OR6C74: variants seen among roughly 807,000 people sequenced by gnomAD.
The protein encoded by OR6C74 is olfactory receptor 6C74.
For synonymous variants in OR6C74, 142 were observed against 134.2 expected (o/e 1.06, Z -0.40); for missense variants, 361 against 362.9 (o/e 0.99, Z 0.04).
rs1345982389 is a variant in OR6C74 at position 55,254,934 on chromosome 12, T to C, written c.*6708T>C. 6.6e-6 allele frequency among the ~76,000 whole-genome samples: 1 copy of C among 152,140 alleles called. No homozygotes were observed. Among genetic ancestry groups the C allele is most frequent in the African/African-American group, 2.4e-5 (1 of 41,450 alleles). On this transcript the variant is annotated 3_prime_UTR_variant, in exon 2 of 2. Transcript: ENST00000343399. Reference sequence around the variant, plus strand: ...TCATGCAACCACTTGTAGTACCAAATATATCAGTTATCACTGTTAGGTTGC... The same window carrying C: ...TCATGCAACCACTTGTAGTACCAAACATATCAGTTATCACTGTTAGGTTGC...
chr12:55,250,181 A>T lies in OR6C74; in HGVS notation c.*1955A>T, dbSNP rs1954303538. On this transcript the variant is annotated 3_prime_UTR_variant, in exon 2 of 2. Transcript: ENST00000343399. Reference sequence around the variant, plus strand: ...TTCTGAACACTCTTCTCCACAATTTAAGTTGTTGCCAAATGCAAATATGTA... The same window carrying T: ...TTCTGAACACTCTTCTCCACAATTTTAGTTGTTGCCAAATGCAAATATGTA... Among the ~76,000 whole-genome samples the T allele has an allele frequency of 6.6e-6, 1 of 152,130 alleles. No individual in the cohort carries two copies. Among genetic ancestry groups the T allele is most frequent in the Admixed American group, 6.5e-5 (1 of 15,270 alleles).
Position 55,252,717 on chromosome 12 carries a change from G to A in OR6C74, c.*4491G>A, listed in dbSNP as rs115752114. ...CTGTTTTGGAACAGAGTAAGGGGGTGATATCTTCAAGAAAACATATTACTG... is the reference window on the plus strand; with the variant it reads ...CTGTTTTGGAACAGAGTAAGGGGGTAATATCTTCAAGAAAACATATTACTG... On this transcript the variant is annotated 3_prime_UTR_variant, in exon 2 of 2. Coordinates refer to ENST00000343399, the MANE Select transcript of OR6C74 (RefSeq NM_001005490.2). Among the ~76,000 whole-genome samples the A allele has an allele frequency of 9.9e-3, 1,506 of 151,970 alleles. 26 individuals are homozygous for A. Among genetic ancestry groups the A allele is most frequent in the East Asian group, 0.036 (187 of 5,148 alleles).
rs1592245477 is a variant in OR6C74, at chr12:55,251,346, G to C, written c.*3120G>C. Among the ~76,000 whole-genome samples, 1 of 152,026 alleles carries C rather than the reference G, an allele frequency of 6.6e-6. No individual in the cohort carries two copies. The highest frequency in any genetic ancestry group is 1.5e-5 in the Non-Finnish European group (1 of 67,942). On this transcript the variant is annotated 3_prime_UTR_variant, in exon 2 of 2. Coordinates refer to ENST00000343399, the MANE Select transcript of OR6C74 (RefSeq NM_001005490.2). ...TTTGTAGTGTTTGTAGTCAACTCTA[G>C]ATGGTGCTTATCATAGCACATGTAA...
Position 55,255,613 on chromosome 12 carries a change from T to C in OR6C74, c.*7387T>C, listed in dbSNP as rs577990042. ...ATACACCATGGAACACTATAAAATA[T>C]ACATCCATAAAAAACGATGAGTTCA... On this transcript the variant is annotated 3_prime_UTR_variant, in exon 2 of 2. Coordinates refer to ENST00000343399, the MANE Select transcript of OR6C74 (RefSeq NM_001005490.2). 5.9e-5 allele frequency among the ~76,000 whole-genome samples: 9 copies of C among 152,056 alleles called. No individual in the cohort carries two copies. The highest frequency in any genetic ancestry group is 1.9e-4 in the African/African-American group (8 of 41,404).
rs1428077168 is a variant in OR6C74 at position 55,251,536 on chromosome 12, G to A, written c.*3310G>A. 1.3e-5 allele frequency among the ~76,000 whole-genome samples: 2 copies of A among 151,856 alleles called. No individual in the cohort carries two copies. Among genetic ancestry groups the A allele is most frequent in the African/African-American group, 4.8e-5 (2 of 41,394 alleles). ...ATCTATAAAATAAGATTAAAATGTG[G>A]CATTTGATAGGGCTTAATATAAAAA... is the stretch of plus-strand genomic sequence containing the variant. On this transcript the variant is annotated 3_prime_UTR_variant, in exon 2 of 2. Coordinates refer to ENST00000343399, the MANE Select transcript of OR6C74 (RefSeq NM_001005490.2).
intron 1 of OR6C74, among the ~76,000 whole-genome samples, chr12:55,245,401 AT>A (rs1954263854): frequency 6.6e-6 from 1 of 152,056 alleles, no homozygotes; most frequent in Non-Finnish European, 1.5e-5. Flanking sequence ...TGAAAAAATA[AT>A]TTTTTTCCTG....
At position 55,256,248 on chromosome 12, in the gene OR6C74, G is replaced by A. The variant is rs1229615777; in HGVS notation, c.*8022G>A. ...GAATGGAATGGGACCCTTGTGTAGA[G>A]CCTATAAATGGACGCATTGGGGGGG... On this transcript the variant is annotated 3_prime_UTR_variant, in exon 2 of 2. Coordinates refer to ENST00000343399, the MANE Select transcript of OR6C74 (RefSeq NM_001005490.2). Among the ~76,000 whole-genome samples the A allele has an allele frequency of 2.6e-5, 4 of 151,604 alleles. No individual in the cohort carries two copies. The highest frequency in any genetic ancestry group is 9.7e-5 in the African/African-American group (4 of 41,236).
At position 55,251,486 on chromosome 12, in the gene OR6C74, G is replaced by A. The variant is rs984881932; in HGVS notation, c.*3260G>A. Among the ~76,000 whole-genome samples the A allele has an allele frequency of 2.0e-5, 3 of 151,968 alleles. No individual in the cohort carries two copies. Among genetic ancestry groups the A allele is most frequent in the Non-Finnish European group, 2.9e-5 (2 of 67,926 alleles). ...AAAATAAATAAGGCAGCAAATGACA[G>A]GAGATGAGTGAAGTTAATATGTTCA... On this transcript the variant is annotated 3_prime_UTR_variant, in exon 2 of 2. Coordinates refer to ENST00000343399, the MANE Select transcript of OR6C74 (RefSeq NM_001005490.2).
rs114490243 is a variant in OR6C74 at position 55,246,480 on chromosome 12, A to C, written c.-9-799A>C. Reference sequence around the variant, plus strand: ...AGCAATCTTCCTGCCTCATTCTTCCAAGTAGCTGGGATTACAGGCACAAGC... The same window carrying C: ...AGCAATCTTCCTGCCTCATTCTTCCCAGTAGCTGGGATTACAGGCACAAGC... On this transcript the variant is annotated intron_variant, in intron 1 of 1. Transcript: ENST00000343399. Among the ~76,000 whole-genome samples the C allele has an allele frequency of 7.1e-3, 1,087 of 152,314 alleles. 14 individuals carry two copies. Among genetic ancestry groups the C allele is most frequent in the East Asian group, 0.037 (190 of 5,178 alleles).
chr12:55,249,727 T>G lies in OR6C74; in HGVS notation c.*1501T>G, dbSNP rs901180982. Reference sequence around the variant, plus strand: ...AGGGAGTATTCTTTAACTTTCACTATTTGGCTTTCTTTGCATCAGGAATTT... The same window carrying G: ...AGGGAGTATTCTTTAACTTTCACTAGTTGGCTTTCTTTGCATCAGGAATTT... On this transcript the variant is annotated 3_prime_UTR_variant, in exon 2 of 2. Coordinates refer to ENST00000343399, the MANE Select transcript of OR6C74 (RefSeq NM_001005490.2). Among the ~76,000 whole-genome samples, 1 of 152,076 alleles carries G rather than the reference T, an allele frequency of 6.6e-6. No individual in the cohort carries two copies. Among genetic ancestry groups the G allele is most frequent in the Non-Finnish European group, 1.5e-5 (1 of 68,010 alleles).
In OR6C74 at chr12:55,251,117, C is replaced by T. The variant is rs1290905408; in HGVS notation, c.*2891C>T. On this transcript the variant is annotated 3_prime_UTR_variant, in exon 2 of 2. Transcript: ENST00000343399. ...GCCTGTCCAGTTTGGTTTCTTATCT[C>T]TTCCAACTAGTACTTCTATGATGTA... 2.6e-5 allele frequency among the ~76,000 whole-genome samples: 4 copies of T among 152,090 alleles called. No homozygotes were observed. The highest frequency in any genetic ancestry group is 9.7e-5 in the African/African-American group (4 of 41,436).
rs1954301122 is a variant in OR6C74, at chr12:55,249,822, T to C, written c.*1596T>C. ...CACAACGTGCAGGTTTGTTAACATATGTATACATGTGCCATGTTGGTGTGC... is the reference window on the plus strand; with the variant it reads ...CACAACGTGCAGGTTTGTTAACATACGTATACATGTGCCATGTTGGTGTGC... On this transcript the variant is annotated 3_prime_UTR_variant, in exon 2 of 2. Transcript: ENST00000343399. 6.6e-6 allele frequency among the ~76,000 whole-genome samples: 1 copy of C among 152,082 alleles called. No individual in the cohort carries two copies. Among genetic ancestry groups the C allele is most frequent in the Non-Finnish European group, 1.5e-5 (1 of 68,016 alleles).
In OR6C74 at chr12:55,244,618, A is replaced by G. The variant is rs905850580; in HGVS notation, c.-209A>G. On this transcript the variant is annotated 5_prime_UTR_variant, in exon 1 of 2. Transcript: ENST00000343399. The stretch of plus-strand genomic sequence containing the variant: ...ATAAGCTATCGTATTCCTCGTATAG[A>G]CTAGAAACACCTCAGCGTGAACAAC... Among the ~76,000 whole-genome samples the G allele has an allele frequency of 6.6e-6, 1 of 152,106 alleles. No homozygotes were observed. Among genetic ancestry groups the G allele is most frequent in the Non-Finnish European group, 1.5e-5 (1 of 67,966 alleles).
rs1242101491 is a variant in OR6C74, at chr12:55,248,899, T to C, written c.*673T>C. ...GATGTTATTAAATTTATTAGTTCCA[T>C]CTTCAAAACTCTGTAAGACAGGTAT... On this transcript the variant is annotated 3_prime_UTR_variant, in exon 2 of 2. Transcript: ENST00000343399. 6.6e-6 allele frequency among the ~76,000 whole-genome samples: 1 copy of C among 152,194 alleles called. No individual in the cohort carries two copies. Among genetic ancestry groups the C allele is most frequent in the Non-Finnish European group, 1.5e-5 (1 of 68,022 alleles).
Position 55,247,926 on chromosome 12 carries a change from T to G in OR6C74, c.639T>G (p.Ile213Met), listed in dbSNP as rs773205169. 6.2e-7 allele frequency: 1 copy of G among 1,613,990 alleles called. No homozygotes were observed. Among genetic ancestry groups the G allele is most frequent in the Non-Finnish European group, 8.5e-7 (1 of 1,179,896 alleles). ...TCCTGGTTACACTGGTATTAGTGAT[T>G]CTCTCCTACACAAATATTATCAGGA... The part of the protein sequence containing the change: ...LTLLVTLVLV[I>M]LSYTNIIRTI... The change falls in exon 2 of 2, where the codon ATT (isoleucine) becomes ATG (methionine). Residue 213 changes from isoleucine (I) to methionine (M), a missense_variant. Physicochemically the swap from Ile to Met is conservative, Grantham distance 10 (BLOSUM62 1). Coordinates refer to ENST00000343399, the MANE Select transcript of OR6C74 (RefSeq NM_001005490.2).
intron 1 of OR6C74, among the ~76,000 whole-genome samples, chr12:55,246,963 T>C (rs1954273577): frequency 6.6e-6 from 1 of 150,718 alleles, no homozygotes; most frequent in Non-Finnish European, 1.5e-5. Context: ...AAAATTCAAA[T>C]ACAGAATATA....
Position 55,253,114 on chromosome 12 carries a change from A to G in OR6C74, c.*4888A>G, listed in dbSNP as rs1398625061. On this transcript the variant is annotated 3_prime_UTR_variant, in exon 2 of 2. Coordinates refer to ENST00000343399, the MANE Select transcript of OR6C74 (RefSeq NM_001005490.2). ...CTAGAGTACAAAGGTATACCATTTTATTTGCAGGTTGTGCCAATAAATTCT... is the reference window on the plus strand; with the variant it reads ...CTAGAGTACAAAGGTATACCATTTTGTTTGCAGGTTGTGCCAATAAATTCT... 6.6e-6 allele frequency among the ~76,000 whole-genome samples: 1 copy of G among 151,998 alleles called. No homozygotes were observed. The highest frequency in any genetic ancestry group is 1.5e-5 in the Non-Finnish European group (1 of 67,942).
At position 55,250,063 on chromosome 12, in the gene OR6C74, T is replaced by C. The variant is rs1249281506; in HGVS notation, c.*1837T>C. ...GAATGATGGTTTATACACAAATAAT[T>C]ATACTTTATAGATAATAACGACACT... On this transcript the variant is annotated 3_prime_UTR_variant, in exon 2 of 2. Transcript: ENST00000343399. Among the ~76,000 whole-genome samples, 1 of 152,144 alleles carries C rather than the reference T, an allele frequency of 6.6e-6. No individual in the cohort carries two copies. Among genetic ancestry groups the C allele is most frequent in the Non-Finnish European group, 1.5e-5 (1 of 68,022 alleles).
chr12:55,250,849 A>G lies in OR6C74; in HGVS notation c.*2623A>G, dbSNP rs1032503291. The stretch of plus-strand genomic sequence containing the variant: ...CACCACTAAAAGTAATGGTGAAATC[A>G]CAATTCCTTTTGTACCAACCTAATA... On this transcript the variant is annotated 3_prime_UTR_variant, in exon 2 of 2. Coordinates refer to ENST00000343399, the MANE Select transcript of OR6C74 (RefSeq NM_001005490.2). 6.6e-6 allele frequency among the ~76,000 whole-genome samples: 1 copy of G among 152,116 alleles called. No individual in the cohort carries two copies. Among genetic ancestry groups the G allele is most frequent in the African/African-American group, 2.4e-5 (1 of 41,440 alleles).
Sources: allele counts gnomAD v4.1 joint callset (sites outside exome capture counted in the v4.1 genomes callset), GRCh38; gene constraint gnomAD v4.1.1; transcripts MANE v1.5; gene names NCBI Gene and HGNC (gene_info 2026-07-23, HGNC 2026-07-21).